HDGF: variants seen among roughly 807,000 people sequenced by gnomAD.
The protein encoded by HDGF is hepatoma-derived growth factor.
A neutral mutation model predicts 30.0 loss-of-function variants in HDGF; 5 were observed. That is an observed-to-expected ratio of 0.17 (90% CI 0.09 to 0.35). HDGF has a LOEUF of 0.35. HDGF is among the 10% of genes least tolerant of loss of function. HDGF has a pLI of 1.00. For synonymous variants in HDGF, 133 were observed against 112.7 expected, an observed-to-expected ratio of 1.18 and a Z score of -1.14; for missense variants, 214 against 302.8, an observed-to-expected ratio of 0.71 and a Z score of 2.18.
chr1:156,746,403 C>T (rs1433682165), intron 1 of HDGF, among the ~76,000 whole-genome samples: 1 of 152,214 alleles, frequency 6.6e-6, no homozygotes, highest in Non-Finnish European at 1.5e-5. Flanking sequence ...GGCTGCCTAT[C>T]CAACGCCCGC....
At chr1:156,750,773 C>A (rs1199673806) in intron 1 of HDGF, 1 of 152,364 alleles carries the variant, frequency 6.6e-6, no homozygotes, top group Non-Finnish European at 1.5e-5. Flanking sequence ...TTCGACCTTT[C>A]CAACTTTAGA....
At chr1:156,747,242 T>TCCC (rs1558034256) in intron 1 of HDGF, among the ~76,000 whole-genome samples, 1 of 19,374 alleles carries the variant, frequency 5.2e-5, no homozygotes, top group Admixed American at 5.7e-4. Flanking sequence ...CCCTCCCCCC[T>TCCC]CCCCCCCGCC....
At chr1:156,744,414 C>T in intron 3 of HDGF, 66 bp from the exon 4 acceptor site, 1 of 1,594,178 alleles carries the variant, frequency 6.3e-7, no homozygotes, top group Non-Finnish European at 8.5e-7. Flanking sequence ...CTCCCCAGAC[C>T]CTCCCTCAGC....
At chr1:156,759,752 T>C (rs1240492600) in intron 1 of HDGF, among the ~76,000 whole-genome samples, 2 of 152,210 alleles carry the variant, frequency 1.3e-5, no homozygotes, top group African/African-American at 2.4e-5. Flanking sequence ...ATTGCTGGGA[T>C]TACAGGCATG....
At chr1:156,758,651 G>T (rs935249732) in intron 2 of HDGF, among the ~76,000 whole-genome samples, 1 of 147,694 alleles carries the variant, frequency 6.8e-6, no homozygotes, top group Non-Finnish European at 1.5e-5. Flanking sequence ...GGTGGTGGGT[G>T]CCTGTAATCC....
At chr1:156,748,836 AC>A (rs1650774259) in intron 1 of HDGF, among the ~76,000 whole-genome samples, 1 of 152,172 alleles carries the variant, frequency 6.6e-6, no homozygotes, top group South Asian at 2.1e-4. Context: ...GGGGCAGGAG[AC>A]AGTTGGGGCC....
chr1:156,754,117 T>A (rs1446194636), upstream of HDGF, among the ~76,000 whole-genome samples: 1 of 152,278 alleles, frequency 6.6e-6, no homozygotes, highest in South Asian at 2.1e-4. Flanking sequence ...GGTTTCACCA[T>A]GTTAGTCAGG....
chr1:156,745,169 G>A (rs757587527), intron 2 of HDGF, 23 bp from the exon 3 acceptor site: 10 of 1,613,792 alleles, frequency 6.2e-6, no homozygotes, highest in Middle Eastern at 1.7e-4. Flanking sequence ...GGGAGACTGT[G>A]CTCTCAAGCC....
In HDGF at chr1:156,744,249, C is replaced by T. The variant is rs774146430; in HGVS notation, c.403G>A (p.Glu135Lys). 4 of 1,614,048 alleles carry T rather than the reference C, an allele frequency of 2.5e-6. No individual in the cohort carries two copies. Among genetic ancestry groups the T allele is most frequent in the African/African-American group, 1.3e-5 (1 of 74,908 alleles). The change falls in exon 4 of 6, where the codon GAG (glutamate) becomes AAG (lysine). Residue 135 changes from glutamate (E) to lysine (K), a missense_variant. This residue lies in a region of HDGF where 176 missense variants were observed against 211.7 expected (regional missense o/e 0.83). Coordinates refer to ENST00000357325, the MANE Select transcript of HDGF (RefSeq NM_004494.3). ...TCATCAATGACCAGCTTCCCTTCCT[C>T]GTCGCTGCTGCCCTCTGCATTCCCC... ...KKGNAEGSSDEEGKLVIDEPA... is the reference protein window; with the variant it reads ...KKGNAEGSSDKEGKLVIDEPA...
At chr1:156,765,706 C>T (rs1053208607) in intron 1 of HDGF, among the ~76,000 whole-genome samples, 2 of 151,944 alleles carry the variant, frequency 1.3e-5, no homozygotes, top group African/African-American at 2.4e-5. Context: ...AACTCCTGAC[C>T]TCGTGATTCA....
chr1:156,743,426 G>A lies in HDGF; in HGVS notation c.*23C>T. ...CAGACAGCAGCAGGAACAGGGTGGGGGCTCCTCTTGAAACATTGGTGGCTA... is the reference window on the plus strand; with the variant it reads ...CAGACAGCAGCAGGAACAGGGTGGGAGCTCCTCTTGAAACATTGGTGGCTA... On this transcript the variant is annotated 3_prime_UTR_variant, in exon 6 of 6. Coordinates refer to ENST00000357325, the MANE Select transcript of HDGF (RefSeq NM_004494.3). 1 of 1,514,350 alleles carries A rather than the reference G, an allele frequency of 6.6e-7. No individual in the cohort carries two copies. Among genetic ancestry groups the A allele is most frequent in the Non-Finnish European group, 8.8e-7 (1 of 1,134,002 alleles). 93.8% of individuals were successfully genotyped at this position (1,514,350 alleles called of 1,614,324 possible).
intron 1 of HDGF, among the ~76,000 whole-genome samples, chr1:156,762,433 T>G (rs73002739): frequency 3.7e-4 from 56 of 151,892 alleles, no homozygotes; most frequent in African/African-American, 1.3e-3. Flanking sequence ...CTGGGCAGAG[T>G]GGCCTGTTTG....
At chr1:156,746,074 TA>T (rs1239863690) in intron 1 of HDGF, among the ~76,000 whole-genome samples, 1 of 152,214 alleles carries the variant, frequency 6.6e-6, no homozygotes, top group Non-Finnish European at 1.5e-5. Flanking sequence ...TGATCATCCT[TA>T]TAGCCTCAGC....
upstream of HDGF, chr1:156,752,124 T>C (rs1232575512): frequency 5.8e-6 from 9 of 1,551,498 alleles, no homozygotes; most frequent in Non-Finnish European, 7.8e-6. Flanking sequence ...AAATATTTAC[T>C]GGGCACCCGC....
At position 156,762,872 on chromosome 1, in the gene HDGF, C is replaced by CA. The variant is rs148807506; in HGVS notation, n.137-3654dup. ...GGGCAACAAGAGCGAAACTCCGTCT[C>CA]AAAAAAAAAAAACCAAAAAAAAACT... is the stretch of plus-strand genomic sequence containing the variant. On this transcript the variant is annotated intron_variant and non_coding_transcript_variant, in intron 1 of 7. Coordinates refer to the HDGF transcript ENST00000465180. Among the ~76,000 whole-genome samples the CA allele has an allele frequency of 6.5e-3, 878 of 135,002 alleles. 3 individuals are homozygous for CA. Among genetic ancestry groups the CA allele is most frequent in the African/African-American group, 0.021 (747 of 36,390 alleles). The allele number at this position is 135,002 out of a possible 152,430, so 88.6% of individuals were successfully genotyped here. A position where few individuals can be genotyped will look rare whatever the true frequency, so the allele number is the denominator to read the frequency against.
chr1:156,749,894 G>A (rs1385775879), intron 1 of HDGF, among the ~76,000 whole-genome samples: 1 of 152,228 alleles, frequency 6.6e-6, no homozygotes, highest in Non-Finnish European at 1.5e-5. Context: ...ACCCACCAGG[G>A]CCTTGGCATC....
chr1:156,744,377 G>A (rs1650363307), intron 3 of HDGF, 29 bp from the exon 4 acceptor site: 1 of 1,611,678 alleles, frequency 6.2e-7, no homozygotes, highest in Non-Finnish European at 8.5e-7. Context: ...AGGCTGAGTG[G>A]CACCAGTCGC....
intron 1 of HDGF, among the ~76,000 whole-genome samples, chr1:156,746,880 A>G (rs1362584043): frequency 6.6e-6 from 1 of 152,202 alleles, no homozygotes; most frequent in East Asian, 1.9e-4. Flanking sequence ...AGACAGGGAC[A>G]GAGGGCCCAA....
intron 1 of HDGF, among the ~76,000 whole-genome samples, chr1:156,750,263 A>G (rs1650869167): frequency 6.6e-6 from 1 of 152,130 alleles, no homozygotes; most frequent in Non-Finnish European, 1.5e-5. Flanking sequence ...ACTCTAGGAT[A>G]CTGAGTCATG....
Sources: allele counts gnomAD v4.1 joint callset (sites outside exome capture counted in the v4.1 genomes callset), GRCh38; gene constraint gnomAD v4.1.1; regional missense constraint gnomAD v4.1.1; transcripts MANE v1.5; gene names NCBI Gene and HGNC (gene_info 2026-07-23, HGNC 2026-07-21).